EFHD1: variants seen among roughly 807,000 people sequenced by gnomAD.
The protein encoded by EFHD1 is EF-hand domain family member D1, also known as EF-hand domain-containing protein D1.
Under a neutral mutation model 17.2 loss-of-function variants are expected in EFHD1, and 10 were observed. That is an observed-to-expected ratio of 0.58 (90% CI 0.36 to 0.99). EFHD1 has a LOEUF of 0.99. EFHD1 is among the 50% of genes least tolerant of loss of function. The pLI, the probability that EFHD1 is intolerant of heterozygous loss-of-function variation, is 0.01. For synonymous variants in EFHD1, 153 were observed against 142.0 expected (o/e 1.08, Z -0.55); for missense variants, 310 against 327.5 (o/e 0.95, Z 0.41).
chr2:232,619,456 G>A (rs1044253543), intron 1 of EFHD1, among the ~76,000 whole-genome samples: 8 of 151,416 alleles, frequency 5.3e-5, no homozygotes, highest in African/African-American at 1.2e-4. Context: ...GATTACAGGC[G>A]CCTGACACCA....
chr2:232,617,196 C>T (rs139764094), intron 1 of EFHD1, among the ~76,000 whole-genome samples: 2 of 152,324 alleles, frequency 1.3e-5, no homozygotes, highest in Non-Finnish European at 2.9e-5. Flanking sequence ...CAAGTGTCCC[C>T]AGCAGGTAAG....
intron 1 of EFHD1, among the ~76,000 whole-genome samples, chr2:232,648,873 GAGA>G (rs1366057946): frequency 6.6e-6 from 1 of 152,280 alleles, no homozygotes; most frequent in South Asian, 2.1e-4. Context: ...TCTGTGTGAA[GAGA>G]AGAAGGTACT....
At chr2:232,620,984 C>T (rs1694007959) in intron 1 of EFHD1, among the ~76,000 whole-genome samples, 1 of 151,950 alleles carries the variant, frequency 6.6e-6, no homozygotes, top group African/African-American at 2.4e-5. Flanking sequence ...GAGGGAGGGG[C>T]ACGGATGGCA....
intron 1 of EFHD1, among the ~76,000 whole-genome samples, chr2:232,623,920 C>T (rs1694065924): frequency 6.6e-6 from 1 of 152,038 alleles, no homozygotes; most frequent in South Asian, 2.1e-4. Flanking sequence ...AGAGCAGAAT[C>T]GCCCCAGGGG....
At chr2:232,657,984 T>C (rs1277667856) in intron 1 of EFHD1, among the ~76,000 whole-genome samples, 2 of 135,188 alleles carry the variant, frequency 1.5e-5, no homozygotes, top group Admixed American at 8.1e-5. Context: ...CACTGCAACC[T>C]CTGCCTCCCA....
chr2:232,622,341 C>T (rs945258986), intron 1 of EFHD1, among the ~76,000 whole-genome samples: 1 of 152,144 alleles, frequency 6.6e-6, no homozygotes, highest in Non-Finnish European at 1.5e-5. Flanking sequence ...TGGTGGCGGA[C>T]GCCTGTAATC....
rs1195451988 is a variant in EFHD1, at chr2:232,681,954, CCTT to C, written c.*239_*241del. ...CTGTCTCCTGCCTCTGCTCCTCTGCCCTTCTTATAGCCAGAACTTGTATCTTCT... is the reference window on the plus strand; with the variant it reads ...CTGTCTCCTGCCTCTGCTCCTCTGCCCTTATAGCCAGAACTTGTATCTTCT... On this transcript the variant is annotated 3_prime_UTR_variant, in exon 4 of 4. Transcript: ENST00000264059. 1.6e-5 allele frequency: 8 copies of C among 510,744 alleles called. No individual in the cohort carries two copies. The highest frequency in any genetic ancestry group is 1.1e-4 in the Admixed American group (3 of 26,296). 31.6% of individuals were successfully genotyped at this position (510,744 alleles called of 1,614,324 possible).
intron 1 of EFHD1, among the ~76,000 whole-genome samples, chr2:232,626,409 G>T (rs189966943): frequency 2.0e-5 from 3 of 151,762 alleles, no homozygotes; most frequent in East Asian, 3.9e-4. Flanking sequence ...TTAGCTGGGC[G>T]TGGTGGTGCA....
intron 1 of EFHD1, among the ~76,000 whole-genome samples, chr2:232,644,517 T>A (rs1376463158): frequency 6.6e-6 from 1 of 151,806 alleles, no homozygotes; most frequent in Non-Finnish European, 1.5e-5. Flanking sequence ...TTTTCAATTT[T>A]TTTTTTTATT....
intron 1 of EFHD1, among the ~76,000 whole-genome samples, chr2:232,621,563 C>T (rs1257374399): frequency 6.6e-6 from 1 of 152,194 alleles, no homozygotes; most frequent in African/African-American, 2.4e-5. Flanking sequence ...AGTGATTCCC[C>T]TGCCTCAGCC....
chr2:232,620,380 T>G (rs2106186167), intron 1 of EFHD1, among the ~76,000 whole-genome samples: 1 of 136,120 alleles, frequency 7.3e-6, no homozygotes, highest in African/African-American at 2.8e-5. Context: ...AAAACGAGAC[T>G]CCATCTCAAA....
At chr2:232,626,672 C>T (rs1296434689) in intron 1 of EFHD1, among the ~76,000 whole-genome samples, 3 of 152,100 alleles carry the variant, frequency 2.0e-5, no homozygotes, top group Admixed American at 6.6e-5. Flanking sequence ...GTCTGTTAGT[C>T]ATCTTGAGAA....
intron 1 of EFHD1, chr2:232,638,478 C>CA (rs1214063243): frequency 2.1e-6 from 1 of 469,966 alleles, no homozygotes; most frequent in African/African-American, 2.0e-5. Context: ...CAGTGAAACC[C>CA]AAAAAGGTGA....
chr2:232,650,279 G>C (rs1694619381), intron 1 of EFHD1: 1 of 148,358 alleles, frequency 6.7e-6, no homozygotes. Context: ...TTTCTTTACT[G>C]TTCTGGGTTG....
intron 1 of EFHD1, among the ~76,000 whole-genome samples, chr2:232,653,822 T>C (rs757162154): frequency 8.5e-5 from 13 of 152,192 alleles, no homozygotes; most frequent in Non-Finnish European, 1.9e-4. Flanking sequence ...ATGGCCCTTT[T>C]CCTTCTATGG....
intron 1 of EFHD1, among the ~76,000 whole-genome samples, chr2:232,644,966 G>A (rs56196844): frequency 7.4e-6 from 1 of 135,020 alleles, no homozygotes; most frequent in Non-Finnish European, 1.6e-5. Context: ...TTTTTTTTGA[G>A]AGATAGGTCT....
At position 232,681,620 on chromosome 2, in the gene EFHD1, A is replaced by G. The variant is rs764670380; in HGVS notation, c.621A>G (p.Ala207=). The G allele has an allele frequency of 6.2e-7, 1 of 1,614,212 alleles. No homozygotes were observed. The highest frequency in any genetic ancestry group is 8.5e-7 in the Non-Finnish European group (1 of 1,180,022). Reference sequence around the variant, plus strand: ...TGTCATCGGCCAGTAAGTTTGAAGCAGAGTTGAAAGCTGAGCAAGATGAGC... The same window carrying G: ...TGTCATCGGCCAGTAAGTTTGAAGCGGAGTTGAAAGCTGAGCAAGATGAGC... ...QALSSASKFE[A]ELKAEQDERK... is the part of the protein sequence containing the mutation. The change falls in exon 4 of 4, where the codon GCA becomes GCG. Residue 207 remains alanine (A), a synonymous_variant. Coordinates refer to ENST00000264059, the MANE Select transcript of EFHD1 (RefSeq NM_025202.4).
chr2:232,606,260 G>C (rs1559333030), intron 1 of EFHD1: 4 of 1,471,362 alleles, frequency 2.7e-6, no homozygotes, highest in Non-Finnish European at 1.9e-6. Context: ...TCCAGAATAG[G>C]TGCGCGGTAA....
chr2:232,616,642 G>A (rs1323153499), intron 1 of EFHD1, among the ~76,000 whole-genome samples: 1 of 152,190 alleles, frequency 6.6e-6, no homozygotes, highest in East Asian at 1.9e-4. Flanking sequence ...GTCAAATTCA[G>A]AGAGACAGAA....
Sources: gnomAD v4.1 joint callset for allele counts (sites outside exome capture counted in the v4.1 genomes callset) on GRCh38, gnomAD v4.1.1 for gene constraint, MANE v1.5 for transcripts, NCBI Gene and HGNC (gene_info 2026-07-23, HGNC 2026-07-21) for gene names.